GLRA3: variants seen among roughly 807,000 people sequenced by gnomAD.
The protein encoded by GLRA3 is glycine receptor subunit alpha-3.
A neutral mutation model predicts 60.4 loss-of-function variants in GLRA3; 44 were observed. The ratio of observed to expected loss-of-function variants is 0.73; its 90% CI spans 0.57 to 0.94. GLRA3 has a LOEUF of 0.94. Ranked by LOEUF, GLRA3 falls within the 40% of genes least tolerant of loss-of-function variation. The pLI, the probability that GLRA3 is intolerant of heterozygous loss-of-function variation, is 0.00. For synonymous variants in GLRA3, 223 were observed against 192.9 expected, an observed-to-expected ratio of 1.16 and a Z score of -1.29; for missense variants, 508 against 564.6, an observed-to-expected ratio of 0.90 and a Z score of 1.02.
chr4:174,732,391 T>A lies in GLRA3; in HGVS notation c.268-3693A>T, dbSNP rs1225042165. On this transcript the variant is annotated intron_variant, in intron 3 of 9. Coordinates refer to ENST00000274093, the MANE Select transcript of GLRA3 (RefSeq NM_006529.4). ...AAAAAAAAAAAGGAAAAATTAACAT[T>A]GTAACATAAATTTGATATATGCACA... Among the ~76,000 whole-genome samples the A allele has an allele frequency of 2.6e-5, 4 of 151,130 alleles. No homozygotes were observed. The East Asian group carries it at 7.8e-4, about 29-fold the overall frequency.
chr4:174,799,415 G>T (rs1177854813), intron 1 of GLRA3, among the ~76,000 whole-genome samples: 1 of 152,128 alleles, frequency 6.6e-6, no homozygotes, highest in African/African-American at 2.4e-5. Context: ...AAATTCGAAG[G>T]CAATCCCTAT....
At chr4:174,769,347 A>G (rs1738290772) in intron 2 of GLRA3, among the ~76,000 whole-genome samples, 1 of 152,162 alleles carries the variant, frequency 6.6e-6, no homozygotes, top group Admixed American at 6.6e-5. Context: ...TTACATTAAT[A>G]TGACAAGGTA....
Position 174,806,369 on chromosome 4 carries a change from T to C in GLRA3, c.72-17426A>G, listed in dbSNP as rs73008305. On this transcript the variant is annotated intron_variant, in intron 1 of 9. Transcript: ENST00000274093. ...TAGAAGCAGAATGTTCTATAAGACA[T>C]TGCAGAATATTTGTGCAGATTGTTA... Among the ~76,000 whole-genome samples, 309 of 152,216 alleles carry C rather than the reference T, an allele frequency of 2.0e-3. 2 individuals carry two copies. The highest frequency in any genetic ancestry group is 7.1e-3 in the African/African-American group (296 of 41,550).
chr4:174,805,042 C>T (rs1249196152), intron 1 of GLRA3, among the ~76,000 whole-genome samples: 3 of 152,106 alleles, frequency 2.0e-5, no homozygotes, highest in African/African-American at 4.8e-5. Flanking sequence ...GCACAGCTGT[C>T]GGCATTCCCC....
At chr4:174,745,081 G>A (rs75378810) in intron 3 of GLRA3, among the ~76,000 whole-genome samples, 24,068 of 152,040 alleles carry the variant, frequency 0.16, 2,487 homozygotes, top group African/African-American at 0.3. Flanking sequence ...TTGAAGACAG[G>A]TCTTTTGAAA....
At chr4:174,732,412 G>A (rs1322163912) in intron 3 of GLRA3, among the ~76,000 whole-genome samples, 1 of 149,578 alleles carries the variant, frequency 6.7e-6, no homozygotes, top group Non-Finnish European at 1.5e-5. Flanking sequence ...TTTGATATAT[G>A]CACACTCAGG....
intron 6 of GLRA3, among the ~76,000 whole-genome samples, chr4:174,681,466 C>T (rs1205076911): frequency 2.6e-5 from 4 of 152,062 alleles, no homozygotes; most frequent in East Asian, 3.9e-4. Context: ...TACTTATGTC[C>T]TTATAGAAAG....
At chr4:174,757,909 G>C (rs28869567) in intron 3 of GLRA3, among the ~76,000 whole-genome samples, 1 of 151,960 alleles carries the variant, frequency 6.6e-6, no homozygotes, top group Non-Finnish European at 1.5e-5. Context: ...GGTCACGGGG[G>C]TGGATCCCTC....
rs1288865708 is a variant in GLRA3 at position 174,817,679 on chromosome 4, C to T, written c.71+11062G>A. ...CTGGAGTGCAGTGTCACTATCTCGG[C>T]TCACTGCAACATCCACCTCCTGGTT... On this transcript the variant is annotated intron_variant, in intron 1 of 9. Coordinates refer to ENST00000274093, the MANE Select transcript of GLRA3 (RefSeq NM_006529.4). 3.9e-5 allele frequency among the ~76,000 whole-genome samples: 6 copies of T among 152,268 alleles called. No homozygotes were observed. The East Asian group carries it at 1.2e-3, about 29-fold the overall frequency.
At chr4:174,654,506 T>A (rs1411640085) in intron 9 of GLRA3, among the ~76,000 whole-genome samples, 2 of 152,148 alleles carry the variant, frequency 1.3e-5, no homozygotes, top group Non-Finnish European at 2.9e-5. Context: ...CTATTTCATT[T>A]GCATATATAA....
intron 4 of GLRA3, among the ~76,000 whole-genome samples, chr4:174,728,063 T>C (rs1227068859): frequency 6.6e-6 from 1 of 152,128 alleles, no homozygotes; most frequent in African/African-American, 2.4e-5. Flanking sequence ...ACAACACATA[T>C]ACCTGAAAAA....
At chr4:174,741,669 G>C (rs141878057) in intron 3 of GLRA3, among the ~76,000 whole-genome samples, 1 of 152,102 alleles carries the variant, frequency 6.6e-6, no homozygotes, top group Admixed American at 6.5e-5. Context: ...CTAACCCAAA[G>C]TCACAAAGAT....
chr4:174,794,558 C>T (rs1241825627), intron 1 of GLRA3, among the ~76,000 whole-genome samples: 2 of 152,124 alleles, frequency 1.3e-5, no homozygotes, highest in Non-Finnish European at 2.9e-5. Flanking sequence ...ATATTTCAAA[C>T]CCTATTAACA....
At chr4:174,732,247 T>G (rs1010014612) in intron 3 of GLRA3, among the ~76,000 whole-genome samples, 1 of 151,602 alleles carries the variant, frequency 6.6e-6, no homozygotes, top group Non-Finnish European at 1.5e-5. Context: ...CCCAGCTACT[T>G]GGGAGGCTGA....
chr4:174,783,150 TC>T (rs1014843965), intron 2 of GLRA3, among the ~76,000 whole-genome samples: 24 of 151,856 alleles, frequency 1.6e-4, no homozygotes, highest in Admixed American at 3.3e-4. Context: ...AACAGAGCCC[TC>T]AGAAATAACG....
In GLRA3 at chr4:174,820,530, G is replaced by A. The variant is rs1020737030; in HGVS notation, c.71+8211C>T. 3.3e-5 allele frequency among the ~76,000 whole-genome samples: 5 copies of A among 152,126 alleles called. No homozygotes were observed. The East Asian group carries it at 9.6e-4, about 29-fold the overall frequency. ...AGAGAACTCAGACAGTGGCAACAGC[G>A]CTGGGATATGTGGCACTGGCACACA... On this transcript the variant is annotated intron_variant, in intron 1 of 9. Coordinates refer to ENST00000274093, the MANE Select transcript of GLRA3 (RefSeq NM_006529.4).
intron 9 of GLRA3, among the ~76,000 whole-genome samples, chr4:174,652,417 G>A: frequency 6.6e-6 from 1 of 151,948 alleles, no homozygotes; most frequent in East Asian, 1.9e-4. Context: ...GGGCAAAATC[G>A]CTGATTAAAA....
intron 3 of GLRA3, among the ~76,000 whole-genome samples, chr4:174,729,198 G>C (rs1736456007): frequency 6.6e-6 from 1 of 152,110 alleles, no homozygotes; most frequent in South Asian, 2.1e-4. Context: ...TAAAATGTTG[G>C]AATGCTGTTA....
intron 1 of GLRA3, among the ~76,000 whole-genome samples, chr4:174,822,641 C>G (rs1740785521): frequency 6.6e-6 from 1 of 152,140 alleles, no homozygotes; most frequent in Non-Finnish European, 1.5e-5. Context: ...TAAGCCCAAT[C>G]ATTCTATGTT....
Sources: gnomAD v4.1 joint callset for allele counts (sites outside exome capture counted in the v4.1 genomes callset) on GRCh38, gnomAD v4.1.1 for gene constraint, MANE v1.5 for transcripts, NCBI Gene and HGNC (gene_info 2026-07-23, HGNC 2026-07-21) for gene names.